HLF: variants seen among roughly 807,000 people sequenced by gnomAD.
HLF encodes the protein hepatic leukemia factor.
A neutral mutation model predicts 22.6 loss-of-function variants in HLF; 3 were observed. The ratio of observed to expected loss-of-function variants is 0.13; its 90% CI spans 0.06 to 0.34. The LOEUF (loss-of-function observed/expected upper bound fraction) is 0.34, where lower values mean the gene tolerates loss of function less well. HLF is among the 10% of genes least tolerant of loss of function. The probability of loss-of-function intolerance (pLI) is 1.00; values close to 1 mark genes in which losing one functional copy is unlikely to be tolerated. For missense variants in HLF, 299 were observed against 389.2 expected, an observed-to-expected ratio of 0.77 and a Z score of 1.95; for synonymous variants, 151 against 151.8, an observed-to-expected ratio of 0.99 and a Z score of 0.04.
intron 2 of HLF, among the ~76,000 whole-genome samples, chr17:55,290,990 G>C (rs576145353): frequency 3.4e-4 from 52 of 152,298 alleles, no homozygotes; most frequent in Non-Finnish European, 1.5e-5. Flanking sequence ...GCCTAATCCA[G>C]AGCCAGGGCC....
chr17:55,268,063 G>A lies in HLF; in HGVS notation c.428G>A (p.Cys143Tyr), dbSNP rs2080812596. ...PLHPGIPSPN[C>Y]MQSPIRPGQL... ...CACCCTGGCATCCCATCTCCGAACT[G>A]TATGCAGAGCCCCATCAGACCAGGT... Residue 143 changes from cysteine to tyrosine, a missense_variant, in exon 2 of 4, where the codon TGT becomes TAT. Cys to Tyr is a radical substitution (Grantham distance 194, BLOSUM62 -2). Coordinates refer to ENST00000226067, the MANE Select transcript of HLF (RefSeq NM_002126.5). 1.3e-6 allele frequency: 2 copies of A among 1,579,738 alleles called. No homozygotes were observed. Among genetic ancestry groups the A allele is most frequent in the African/African-American group, 1.4e-5 (1 of 73,976 alleles).
intron 2 of HLF, among the ~76,000 whole-genome samples, chr17:55,300,798 A>G (rs1031093513): frequency 6.6e-6 from 1 of 152,156 alleles, no homozygotes; most frequent in African/African-American, 2.4e-5. Context: ...GGTTGCCACA[A>G]CAATCTTTCT....
chr17:55,284,497 C>G (rs1345559638), intron 2 of HLF, among the ~76,000 whole-genome samples: 3 of 152,160 alleles, frequency 2.0e-5, no homozygotes, highest in Non-Finnish European at 4.4e-5. Flanking sequence ...GCAGATTAAC[C>G]AAGGTGAAGG....
chr17:55,313,070 T>C (rs1904904137), intron 2 of HLF, among the ~76,000 whole-genome samples: 1 of 152,224 alleles, frequency 6.6e-6, no homozygotes, highest in African/African-American at 2.4e-5. Context: ...GTACCTTGTC[T>C]GTGGTCCAGT....
In HLF at chr17:55,323,063, T is replaced by C. The variant is rs1004919393; in HGVS notation, c.*2184T>C. 2 of 220,224 alleles carry C rather than the reference T, an allele frequency of 9.1e-6. No individual in the cohort carries two copies. The highest frequency in any genetic ancestry group is 1.4e-3 in the Middle Eastern group (1 of 718). The allele number at this position is 220,224 out of a possible 1,614,324, so 13.6% of individuals were successfully genotyped here. ...GGTCTCCTCGTCAATCCATCAGCAATGCTTCTCTCATAGTGTCATAGACTT... is the reference window on the plus strand; with the variant it reads ...GGTCTCCTCGTCAATCCATCAGCAACGCTTCTCTCATAGTGTCATAGACTT... On this transcript the variant is annotated 3_prime_UTR_variant, in exon 4 of 4. Transcript: ENST00000226067.
At chr17:55,270,079 T>C (rs1438156858) in intron 2 of HLF, among the ~76,000 whole-genome samples, 2 of 152,222 alleles carry the variant, frequency 1.3e-5, no homozygotes, top group East Asian at 1.9e-4. Flanking sequence ...GAGTCAGTAT[T>C]GATCAGTGAC....
chr17:55,321,004 C>A lies in HLF; in HGVS notation c.*125C>A. On this transcript the variant is annotated 3_prime_UTR_variant, in exon 4 of 4. Coordinates refer to ENST00000226067, the MANE Select transcript of HLF (RefSeq NM_002126.5). ...CAGAGGCATAAACACAACTGACTCCCATTTTGGTGTGCATCTGTGTGTGTG... is the reference window on the plus strand; with the variant it reads ...CAGAGGCATAAACACAACTGACTCCAATTTTGGTGTGCATCTGTGTGTGTG... 1 of 718,720 alleles carries A rather than the reference C, an allele frequency of 1.4e-6. No homozygotes were observed. Among genetic ancestry groups the A allele is most frequent in the Non-Finnish European group, 2.4e-6 (1 of 421,844 alleles). 44.5% of individuals were successfully genotyped at this position (718,720 alleles called of 1,614,324 possible).
At chr17:55,265,909 AG>A in intron 1 of HLF, 1 of 1,075,140 alleles carries the variant, frequency 9.3e-7, no homozygotes, top group Non-Finnish European at 1.1e-6. Flanking sequence ...CCCTAGAACG[AG>A]GCACACCCGC....
chr17:55,276,003 G>A lies in HLF; in HGVS notation c.451+7917G>A, dbSNP rs2080901469. 2.0e-5 allele frequency among the ~76,000 whole-genome samples: 3 copies of A among 152,156 alleles called. No homozygotes were observed. In the South Asian group the frequency reaches 6.2e-4, roughly 32 times the overall value. The stretch of plus-strand genomic sequence containing the variant: ...CGTGCCTGTAGTCTTGGCTACTTGG[G>A]AGGCTGAGGCAAGAGGATCGCCTGA... On this transcript the variant is annotated intron_variant, in intron 2 of 3. Coordinates refer to ENST00000226067, the MANE Select transcript of HLF (RefSeq NM_002126.5).
intron 2 of HLF, among the ~76,000 whole-genome samples, chr17:55,277,528 A>T (rs1353882263): frequency 6.6e-6 from 1 of 151,224 alleles, no homozygotes. Flanking sequence ...CCCTGAAAAC[A>T]GAACTGTACA....
At chr17:55,315,626 A>G (rs1362556730) in intron 3 of HLF, among the ~76,000 whole-genome samples, 179 bp downstream of exon 3, 7 of 152,180 alleles carry the variant, frequency 4.6e-5, no homozygotes, top group Non-Finnish European at 1.0e-4. Flanking sequence ...ATTTTTTGAA[A>G]TGCACTTTTA....
At chr17:55,319,294 A>T (rs1905181929) in intron 3 of HLF, among the ~76,000 whole-genome samples, 1 of 152,110 alleles carries the variant, frequency 6.6e-6, no homozygotes, top group Non-Finnish European at 1.5e-5. Flanking sequence ...CTTTGGCCCC[A>T]ACCCATGTGA....
intron 2 of HLF, among the ~76,000 whole-genome samples, chr17:55,297,538 G>T (rs937244685): frequency 4.6e-5 from 7 of 151,776 alleles, no homozygotes; most frequent in Non-Finnish European, 1.5e-5. Flanking sequence ...AATTAGGGTG[G>T]TTATTGCTCT....
chr17:55,276,840 T>G (rs570702834), intron 2 of HLF, among the ~76,000 whole-genome samples: 32 of 152,356 alleles, frequency 2.1e-4, no homozygotes, highest in African/African-American at 7.2e-4. Context: ...AAGGTTGGAT[T>G]TGAAACATTT....
chr17:55,286,299 C>T (rs140954806), intron 2 of HLF, among the ~76,000 whole-genome samples: 4 of 152,000 alleles, frequency 2.6e-5, no homozygotes, highest in Non-Finnish European at 5.9e-5. Context: ...CTCCCCCCAC[C>T]CTTGTACTTT....
At chr17:55,305,223 A>G (rs1839592142) in intron 2 of HLF, among the ~76,000 whole-genome samples, 1 of 152,188 alleles carries the variant, frequency 6.6e-6, no homozygotes, top group African/African-American at 2.4e-5. Flanking sequence ...ATACTAGTGC[A>G]TGAGATGTAG....
intron 2 of HLF, among the ~76,000 whole-genome samples, chr17:55,301,320 G>A (rs2081155734): frequency 6.6e-6 from 1 of 152,244 alleles, no homozygotes; most frequent in Non-Finnish European, 1.5e-5. Flanking sequence ...GCTCATAGTA[G>A]GGGCTCAATA....
Position 55,265,508 on chromosome 17 carries a change from C to G in HLF, c.24C>G (p.Leu8=). The change falls in exon 1 of 4, where the codon CTC becomes CTG. Residue 8 remains leucine, a synonymous_variant. Transcript: ENST00000226067. ...CGATGGAGAAAATGTCCCGACCGCTCCCCCTGAATCCCACCTTTATCCCGC... is the reference window on the plus strand; with the variant it reads ...CGATGGAGAAAATGTCCCGACCGCTGCCCCTGAATCCCACCTTTATCCCGC... The part of the protein sequence containing the change: MEKMSRP[L]PLNPTFIPPP... 1.9e-6 allele frequency: 3 copies of G among 1,607,582 alleles called. No individual in the cohort carries two copies. The highest frequency in any genetic ancestry group is 1.7e-4 in the Middle Eastern group (1 of 6,042).
At chr17:55,276,507 G>A (rs753709201) in intron 2 of HLF, among the ~76,000 whole-genome samples, 4 of 152,232 alleles carry the variant, frequency 2.6e-5, no homozygotes, top group African/African-American at 9.6e-5. Context: ...TGCCTGGGGC[G>A]AGGCTTCTTG....
Sources: allele counts gnomAD v4.1 joint callset (sites outside exome capture counted in the v4.1 genomes callset), GRCh38; gene constraint gnomAD v4.1.1; transcripts MANE v1.5; gene names NCBI Gene and HGNC (gene_info 2026-07-23, HGNC 2026-07-21).